Variants in OLFM3 observed in about 807,000 individuals in gnomAD.
The protein encoded by OLFM3 is noelin-3.
Under a neutral mutation model 48.6 loss-of-function variants are expected in OLFM3, and 20 were observed. The observed-to-expected ratio is 0.41, with a 90% CI of 0.29 to 0.60. The LOEUF (loss-of-function observed/expected upper bound fraction) is 0.60. Among genes scored for constraint, OLFM3 ranks in the 20% least tolerant of loss-of-function variants. OLFM3 has a pLI of 0.28. For synonymous variants in OLFM3, 222 were observed against 198.1 expected, an observed-to-expected ratio of 1.12 and a Z score of -1.01; for missense variants, 437 against 544.3, an observed-to-expected ratio of 0.80 and a Z score of 1.96.
intron 1 of OLFM3, among the ~76,000 whole-genome samples, chr1:101,983,370 C>A (rs1259826949): frequency 6.6e-6 from 1 of 152,164 alleles, no homozygotes; most frequent in Non-Finnish European, 1.5e-5. Context: ...GCTATAGGTC[C>A]CCCACTCTCA....
At chr1:101,893,334 T>C in intron 1 of OLFM3, 1 of 381,500 alleles carries the variant, frequency 2.6e-6, no homozygotes, top group South Asian at 2.5e-5. Flanking sequence ...GAACCCGGAA[T>C]AGCTCAGCAA....
intron 1 of OLFM3, among the ~76,000 whole-genome samples, chr1:101,976,737 C>T (rs1324218897): frequency 2.6e-5 from 4 of 152,064 alleles, no homozygotes; most frequent in Non-Finnish European, 5.9e-5. Flanking sequence ...AGTTTTTAAC[C>T]ACTTATGGTA....
At chr1:101,953,046 C>A (rs1056311026) in intron 1 of OLFM3, among the ~76,000 whole-genome samples, 1 of 152,048 alleles carries the variant, frequency 6.6e-6, no homozygotes, top group African/African-American at 2.4e-5. Context: ...AAAATGCATG[C>A]TAGTTTCCAA....
In OLFM3 at chr1:101,803,534, G is replaced by C. The variant is rs1172731814; in HGVS notation, c.*704C>G. 6.6e-6 allele frequency: 1 copy of C among 152,138 alleles called. No homozygotes were observed. Among genetic ancestry groups the C allele is most frequent in the East Asian group, 1.9e-4 (1 of 5,152 alleles). 9.4% of individuals were successfully genotyped at this position (152,138 alleles called of 1,614,324 possible). A position where few individuals can be genotyped will look rare whatever the true frequency, so the allele number is the denominator to read the frequency against. Reference sequence around the variant, plus strand: ...ATGCTTATGTAAAGGGGTAAGCCAAGAAGATTATTCTTGACCACACTTGAA... The same window carrying C: ...ATGCTTATGTAAAGGGGTAAGCCAACAAGATTATTCTTGACCACACTTGAA... On this transcript the variant is annotated 3_prime_UTR_variant, in exon 6 of 6. Transcript: ENST00000370103.
At chr1:101,895,000 T>C (rs1308131028) in intron 1 of OLFM3, among the ~76,000 whole-genome samples, 1 of 152,106 alleles carries the variant, frequency 6.6e-6, no homozygotes, top group Non-Finnish European at 1.5e-5. Context: ...TTACTTTGTA[T>C]AAACAGAATG....
intron 1 of OLFM3, among the ~76,000 whole-genome samples, chr1:101,947,597 G>T (rs1262053166): frequency 6.6e-6 from 1 of 152,176 alleles, no homozygotes; most frequent in Admixed American, 6.5e-5. Context: ...TTGAGACATA[G>T]TAATTTTCTT....
At chr1:101,812,894 T>C in intron 4 of OLFM3, 1 of 996,566 alleles carries the variant, frequency 1.0e-6, no homozygotes, top group South Asian at 4.2e-5. Context: ...TTTACTTTCT[T>C]GTAGCACTAA....
intron 1 of OLFM3, among the ~76,000 whole-genome samples, chr1:101,991,907 G>C (rs1343225475): frequency 2.0e-5 from 3 of 151,878 alleles, no homozygotes; most frequent in Non-Finnish European, 4.4e-5. Context: ...AAGGAAGCTT[G>C]TCCTCAGGTC....
At chr1:101,902,810 C>T (rs1327662178) in intron 1 of OLFM3, among the ~76,000 whole-genome samples, 1 of 152,016 alleles carries the variant, frequency 6.6e-6, no homozygotes, top group Non-Finnish European at 1.5e-5. Context: ...ACTATAAATA[C>T]CCCCATTTTA....
At chr1:101,806,265 G>A in intron 4 of OLFM3, 83 bp from the exon 5 acceptor site, 2 of 1,023,162 alleles carry the variant, frequency 2.0e-6, no homozygotes, top group Non-Finnish European at 1.5e-6. Flanking sequence ...GCAAAGAAGG[G>A]GATCATAAAA....
chr1:101,885,936 C>A lies in OLFM3; in HGVS notation c.70-48911G>T, dbSNP rs182482431. 7.2e-5 allele frequency among the ~76,000 whole-genome samples: 11 copies of A among 152,162 alleles called. No individual in the cohort carries two copies. In the East Asian group the frequency reaches 1.5e-3, roughly 21 times the overall value. Reference sequence around the variant, plus strand: ...TTTTTGACTGCACAGGGCGTCAGCACCCCTAAGCCTCTCATTGTTCAAGGG... The same window carrying A: ...TTTTTGACTGCACAGGGCGTCAGCAACCCTAAGCCTCTCATTGTTCAAGGG... On this transcript the variant is annotated intron_variant, in intron 1 of 5. Transcript: ENST00000370103.
intron 1 of OLFM3, among the ~76,000 whole-genome samples, chr1:101,908,816 G>A (rs1415106): frequency 0.11 from 16,341 of 152,112 alleles, 1,505 homozygotes; most frequent in East Asian, 0.36. Context: ...GAGTGATTCT[G>A]CCACAAGCCG....
intron 1 of OLFM3, among the ~76,000 whole-genome samples, chr1:101,885,981 T>C (rs1657741026): frequency 6.6e-6 from 1 of 152,112 alleles, no homozygotes; most frequent in Admixed American, 6.6e-5. Flanking sequence ...CATGTATAGA[T>C]ATTAGTGACA....
intron 1 of OLFM3, among the ~76,000 whole-genome samples, chr1:101,909,685 T>C (rs1658682314): frequency 6.6e-6 from 1 of 152,248 alleles, no homozygotes. Flanking sequence ...TATTATTCCA[T>C]TATAATTACT....
rs373338533 is a variant in OLFM3 at position 101,825,224 on chromosome 1, C to T, written c.394G>A (p.Glu132Lys). Residue 132 changes from glutamate to lysine, a missense_variant, in exon 4 of 6, where the codon GAG (glutamate) becomes AAG (lysine). Physicochemically the swap from Glu to Lys is moderately conservative, Grantham distance 56. Around this residue, in one of 3 missense-constraint regions of OLFM3, gnomAD observed 314 missense variants for 365.5 expected, o/e 0.86. Transcript: ENST00000370103. ...AGCACGGGGATCAAAGGCAGGAGCT[C>T]GTCCATTTTCTCTTTCAACTCCTGT... ...HFQELKEKMD[E>K]LLPLIPVLEQ... is the part of the protein sequence containing the mutation. 8 of 1,613,784 alleles carry T rather than the reference C, an allele frequency of 5.0e-6. No individual in the cohort carries two copies. The highest frequency in any genetic ancestry group is 6.8e-6 in the Non-Finnish European group (8 of 1,179,850).
At chr1:101,832,661 GCA>G (rs1655217374) in intron 2 of OLFM3, among the ~76,000 whole-genome samples, 1 of 152,130 alleles carries the variant, frequency 6.6e-6, no homozygotes, top group Non-Finnish European at 1.5e-5. Flanking sequence ...ACGGAACCAG[GCA>G]CAGAGTAAGT....
chr1:101,876,950 G>C (rs181117300), intron 1 of OLFM3, among the ~76,000 whole-genome samples: 2 of 151,940 alleles, frequency 1.3e-5, no homozygotes, highest in Non-Finnish European at 2.9e-5. Flanking sequence ...TGTCTGACTT[G>C]GGTTATAATT....
At chr1:101,857,368 A>G (rs955474464) in intron 1 of OLFM3, among the ~76,000 whole-genome samples, 1 of 151,952 alleles carries the variant, frequency 6.6e-6, no homozygotes, top group Non-Finnish European at 1.5e-5. Flanking sequence ...AAAATTACAA[A>G]CAAACATTAT....
chr1:101,992,698 T>A (rs1304742050), intron 1 of OLFM3, among the ~76,000 whole-genome samples: 1 of 152,102 alleles, frequency 6.6e-6, no homozygotes, highest in Non-Finnish European at 1.5e-5. Context: ...GATTTATGTA[T>A]GAAAGCTACA....
Sources: gnomAD v4.1 joint callset for allele counts (sites outside exome capture counted in the v4.1 genomes callset) on GRCh38, gnomAD v4.1.1 for gene constraint, gnomAD v4.1.1 regional missense constraint, MANE v1.5 for transcripts, NCBI Gene and HGNC (gene_info 2026-07-23, HGNC 2026-07-21) for gene names.